Variants in RIPOR3 observed in about 807,000 individuals in gnomAD.
RIPOR3 encodes RIPOR family member 3.
Under a neutral mutation model 114.3 loss-of-function variants are expected in RIPOR3, and 95 were observed. That is an observed-to-expected ratio of 0.83 (90% confidence interval 0.70 to 0.99). RIPOR3 has a LOEUF of 0.99. Among genes scored for constraint, RIPOR3 ranks in the 50% least tolerant of loss-of-function variants. RIPOR3 has a pLI of 0.00. For missense variants in RIPOR3, 1,252 were observed against 1,266.9 expected, an observed-to-expected ratio of 0.99 and a Z score of 0.18; for synonymous variants, 575 against 543.8, an observed-to-expected ratio of 1.06 and a Z score of -0.80.
Position 50,691,208 on chromosome 20 carries a change from G to A in RIPOR3, c.-80C>T. On this transcript the variant is annotated 5_prime_UTR_variant, in exon 1 of 22. The change creates a new upstream start codon in the 5' untranslated region. Transcript: ENST00000327979. The stretch of plus-strand genomic sequence containing the variant: ...ACTTTCCCTATTGCCGCCAGCAAGC[G>A]TCTGCTCCCATCTGGCCCGGGACTC... 1 of 1,288,750 alleles carries A rather than the reference G, an allele frequency of 7.8e-7. No homozygotes were observed. Among genetic ancestry groups the A allele is most frequent in the Non-Finnish European group, 1.0e-6 (1 of 988,298 alleles). 79.8% of individuals were successfully genotyped at this position (1,288,750 alleles called of 1,614,324 possible). A position where few individuals can be genotyped will look rare whatever the true frequency, so the allele number is the denominator to read the frequency against.
At chr20:50,604,130 A>G (rs936487213) in intron 12 of RIPOR3, among the ~76,000 whole-genome samples, 3 of 151,616 alleles carry the variant, frequency 2.0e-5, no homozygotes, top group African/African-American at 7.3e-5. Context: ...GGTTGCAGTG[A>G]GCTGACATTG....
chr20:50,645,536 AC>A (rs1172870196), intron 1 of RIPOR3: 2 of 152,290 alleles, frequency 1.3e-5, no homozygotes, highest in Non-Finnish European at 2.9e-5. Flanking sequence ...GAAGGACCCT[AC>A]GTTAGAAGGG....
At chr20:50,588,710 G>A (rs1302847764) in intron 20 of RIPOR3, among the ~76,000 whole-genome samples, 1 of 134,672 alleles carries the variant, frequency 7.4e-6, no homozygotes, top group Non-Finnish European at 1.5e-5. Flanking sequence ...TTAAATTAAG[G>A]TATACACTTG....
intron 1 of RIPOR3, among the ~76,000 whole-genome samples, chr20:50,633,073 G>C (rs921110516): frequency 6.6e-6 from 1 of 152,194 alleles, no homozygotes; most frequent in Non-Finnish European, 1.5e-5. Flanking sequence ...AGACCAGCCT[G>C]GGCTACATGG....
chr20:50,677,704 C>G (rs2086721828), intron 1 of RIPOR3, among the ~76,000 whole-genome samples: 1 of 125,990 alleles, frequency 7.9e-6, no homozygotes, highest in African/African-American at 3.0e-5. Context: ...AGATCTCACT[C>G]TGTCACCCAG....
In RIPOR3 at chr20:50,593,062, T is replaced by G; in HGVS notation, c.2347A>C (p.Lys783Gln). 2 of 1,614,040 alleles carry G rather than the reference T, an allele frequency of 1.2e-6. No homozygotes were observed. Among genetic ancestry groups the G allele is most frequent in the Non-Finnish European group, 1.7e-6 (2 of 1,180,020 alleles). ...LQRQSVSDLE[K>Q]HFTQLTKEVT... The stretch of plus-strand genomic sequence containing the variant: ...TCCTTGGTGAGCTGGGTGAAGTGCT[T>G]CTCCAGGTCAGAGACGCTCTGCCTC... The change falls in exon 18 of 22, where the codon AAG becomes CAG. Residue 783 changes from lysine to glutamine, a missense_variant. Physicochemically the swap from Lys to Gln is moderately conservative, Grantham distance 53 (BLOSUM62 1). Coordinates refer to ENST00000327979, the MANE Select transcript of RIPOR3 (RefSeq NM_001290268.2).
At chr20:50,592,951 T>C (rs1190736321) in intron 18 of RIPOR3, 84 bp downstream of exon 18, 1 of 1,520,096 alleles carries the variant, frequency 6.6e-7, no homozygotes, top group African/African-American at 1.4e-5. Context: ...GATGTAGTGG[T>C]TCTGAATTAT....
chr20:50,656,660 C>T (rs1051992044), intron 1 of RIPOR3, among the ~76,000 whole-genome samples: 4 of 151,942 alleles, frequency 2.6e-5, no homozygotes, highest in South Asian at 2.1e-4. Context: ...CCACCATGCC[C>T]GGCTAATTTT....
intron 1 of RIPOR3, among the ~76,000 whole-genome samples, chr20:50,635,691 A>T (rs2084960035): frequency 6.6e-6 from 1 of 151,948 alleles, no homozygotes; most frequent in South Asian, 2.1e-4. Context: ...AGGAAAAAGG[A>T]AAGGAAGAAA....
chr20:50,683,913 T>G (rs948421583), intron 1 of RIPOR3, among the ~76,000 whole-genome samples: 27 of 152,072 alleles, frequency 1.8e-4, no homozygotes, highest in African/African-American at 6.5e-4. Flanking sequence ...AAACCCTGTC[T>G]CTACTAAAAA....
At chr20:50,665,931 G>A (rs773272848) in intron 1 of RIPOR3, among the ~76,000 whole-genome samples, 6 of 151,830 alleles carry the variant, frequency 4.0e-5, no homozygotes, top group Non-Finnish European at 5.9e-5. Flanking sequence ...AAGCCAAACC[G>A]AATCCCAGAC....
chr20:50,592,592 T>G, intron 18 of RIPOR3, 46 bp from the exon 19 acceptor site: 3 of 1,407,544 alleles, frequency 2.1e-6, no homozygotes, highest in Non-Finnish European at 2.8e-6. Flanking sequence ...GAATGGGAGT[T>G]TGGCAGGACA....
At chr20:50,611,253 T>G in intron 4 of RIPOR3, 49 bp from the exon 5 acceptor site, 1 of 1,613,240 alleles carries the variant, frequency 6.2e-7, no homozygotes, top group Non-Finnish European at 8.5e-7. Flanking sequence ...GTCCCACATG[T>G]TCCTCCAAGG....
intron 2 of RIPOR3, among the ~76,000 whole-genome samples, chr20:50,627,031 AAAAT>A (rs1214581725): frequency 6.6e-6 from 1 of 151,706 alleles, no homozygotes; most frequent in Non-Finnish European, 1.5e-5. Context: ...AAAAAAAAAA[AAAAT>A]AGCCAGTGTG....
chr20:50,607,793 C>A (rs891528796), intron 11 of RIPOR3, among the ~76,000 whole-genome samples: 1 of 152,138 alleles, frequency 6.6e-6, no homozygotes, highest in African/African-American at 2.4e-5. Flanking sequence ...CCCGACTGGC[C>A]AGAGCAAGCA....
intron 1 of RIPOR3, among the ~76,000 whole-genome samples, chr20:50,633,540 G>T (rs73274615): frequency 0.039 from 5,916 of 152,210 alleles, 403 homozygotes; most frequent in African/African-American, 0.14. Flanking sequence ...GAATAAGGAC[G>T]GAGTAGGGAG....
intron 1 of RIPOR3, among the ~76,000 whole-genome samples, chr20:50,664,085 C>G (rs1291209842): frequency 6.6e-6 from 1 of 152,102 alleles, no homozygotes; most frequent in Non-Finnish European, 1.5e-5. Context: ...CGCCACTACA[C>G]CTGGCTAATT....
chr20:50,682,261 A>T (rs1482567265), intron 1 of RIPOR3, among the ~76,000 whole-genome samples: 1 of 152,224 alleles, frequency 6.6e-6, no homozygotes, highest in Non-Finnish European at 1.5e-5. Context: ...GTGAATGAAC[A>T]AGTGATAAGC....
intron 1 of RIPOR3, among the ~76,000 whole-genome samples, chr20:50,651,984 A>G (rs62202793): frequency 0.51 from 77,640 of 152,122 alleles, 22,541 homozygotes; most frequent in Middle Eastern, 0.66. Flanking sequence ...CAAAGACAAG[A>G]CCTTAGGTCT....
Sources: gnomAD v4.1 joint callset for allele counts (sites outside exome capture counted in the v4.1 genomes callset) on GRCh38, gnomAD v4.1.1 for gene constraint, MANE v1.5 for transcripts, NCBI Gene and HGNC (gene_info 2026-07-23, HGNC 2026-07-21) for gene names.